The following CDK1 variants were observed in gnomAD, a reference collection of about 807,000 sequenced individuals.
The protein encoded by CDK1 is cyclin dependent kinase 1.
CDK1 carries 5 observed loss-of-function variants against 34.6 expected under a neutral mutation model. That is an observed-to-expected ratio of 0.14 (90% CI 0.08 to 0.30). The LOEUF is 0.30. CDK1 is among the 10% of genes least tolerant of loss of function. The probability of loss-of-function intolerance (pLI) is 1.00; values close to 1 mark genes in which losing one functional copy is unlikely to be tolerated. For missense variants in CDK1, 157 were observed against 345.7 expected (o/e 0.45, Z 4.33); for synonymous variants, 108 against 114.7 (o/e 0.94, Z 0.37).
In CDK1 at chr10:60,785,765, A is replaced by G; in HGVS notation, c.296A>G (p.Tyr99Cys). ...KYLDSIPPGQ[Y>C]MDSSLVKSYL... Reference sequence around the variant, plus strand: ...TTGGATTCTATCCCTCCTGGTCAGTACATGGATTCTTCACTTGTTAAGGTA... The same window carrying G: ...TTGGATTCTATCCCTCCTGGTCAGTGCATGGATTCTTCACTTGTTAAGGTA... The change falls in exon 4 of 8, where the codon TAC becomes TGC. Residue 99 changes from tyrosine (Y) to cysteine (C), a missense_variant. Physicochemically the swap from Tyr to Cys is radical, Grantham distance 194. This residue lies in a region of CDK1 where 102 missense variants were observed against 233.6 expected (regional missense o/e 0.44). Coordinates refer to ENST00000395284, the MANE Select transcript of CDK1 (RefSeq NM_001786.5). 1 of 1,596,778 alleles carries G rather than the reference A, an allele frequency of 6.3e-7. No individual in the cohort carries two copies. The highest frequency in any genetic ancestry group is 8.6e-7 in the Non-Finnish European group (1 of 1,168,958).
intron 1 of CDK1, among the ~76,000 whole-genome samples, chr10:60,779,730 AAAATT>A (rs2080255901): frequency 6.6e-6 from 1 of 152,238 alleles, no homozygotes; most frequent in South Asian, 2.1e-4. Context: ...TGTTTTGAAT[AAAATT>A]AGGAGTATCA....
At chr10:60,787,018 A>G (rs2080322403) in intron 4 of CDK1, 1 of 983,034 alleles carries the variant, frequency 1.0e-6, no homozygotes, top group South Asian at 4.7e-5. Flanking sequence ...TTCTGTATTA[A>G]GATTTATTTT....
At chr10:60,788,572 A>G (rs1381458443) in intron 5 of CDK1, among the ~76,000 whole-genome samples, 2 of 151,966 alleles carry the variant, frequency 1.3e-5, no homozygotes, top group African/African-American at 4.8e-5. Context: ...AATTCTTTAT[A>G]TTAAACTCTC....
intron 3 of CDK1, among the ~76,000 whole-genome samples, chr10:60,785,207 A>G (rs2080305437): frequency 6.6e-6 from 1 of 152,216 alleles, no homozygotes; most frequent in South Asian, 2.1e-4. Flanking sequence ...TAAGAAAAGT[A>G]GCTAGGTCAA....
rs1194795899 is a variant in CDK1 at position 60,792,262 on chromosome 10, G to A, written c.768G>A (p.Leu256=). 9 of 1,609,622 alleles carry A rather than the reference G, an allele frequency of 5.6e-6. No homozygotes were observed. The highest frequency in any genetic ancestry group is 5.4e-5 in the African/African-American group (4 of 74,470). Residue 256 remains leucine (L), a synonymous_variant, in exon 7 of 8, where the codon TTG becomes TTA. Transcript: ENST00000395284. ...GCCTAGCATCCCATGTCAAAAACTT[G>A]GATGAAAATGGCTTGGATTTGCTCT... The part of the protein sequence containing the change: ...PGSLASHVKN[L]DENGLDLLSK...
chr10:60,783,780 A>G (rs1440065509), intron 2 of CDK1, among the ~76,000 whole-genome samples: 1 of 152,136 alleles, frequency 6.6e-6, no homozygotes, highest in Non-Finnish European at 1.5e-5. Flanking sequence ...ATTGTTGCTC[A>G]TTACCTGAAG....
chr10:60,788,435 A>G (rs796901560), intron 5 of CDK1, among the ~76,000 whole-genome samples: 16 of 152,184 alleles, frequency 1.1e-4, no homozygotes, highest in African/African-American at 3.1e-4. Context: ...ACCAGCTGCT[A>G]TGTTGTTAAG....
chr10:60,780,271 A>G, intron 2 of CDK1, 69 bp downstream of exon 2: 1 of 807,020 alleles, frequency 1.2e-6, no homozygotes, highest in Non-Finnish European at 2.2e-6. Flanking sequence ...TAATATGAAC[A>G]CATTTAAATA....
rs945953893 is a variant in CDK1, at chr10:60,787,975, C to G, written c.319-85C>G. The stretch of plus-strand genomic sequence containing the variant: ...CTCTAGTAATTAAATTATTTCTCTG[C>G]GTCCTAATTTTTTGTCTTTGAAACA... On this transcript the variant is annotated intron_variant, in intron 4 of 7. Transcript: ENST00000395284. The G allele has an allele frequency of 1.0e-5, 7 of 683,308 alleles. No individual in the cohort carries two copies. The Admixed American group carries it at 2.0e-4, about 20-fold the overall frequency. 42.3% of individuals were successfully genotyped at this position (683,308 alleles called of 1,614,324 possible).
intron 5 of CDK1, among the ~76,000 whole-genome samples, chr10:60,789,047 A>C (rs3213060): frequency 4.6e-5 from 7 of 152,272 alleles, no homozygotes; most frequent in Admixed American, 1.3e-4. Flanking sequence ...ATGGTTGGTT[A>C]GTTCTAGATC....
intron 5 of CDK1, 99 bp downstream of exon 5, chr10:60,788,329 T>C (rs1589113175): frequency 3.4e-6 from 3 of 874,154 alleles, no homozygotes; most frequent in East Asian, 2.7e-5. Flanking sequence ...ATAAAAGATA[T>C]CTACTCTGTG....
chr10:60,781,202 G>A (rs1564664658), intron 2 of CDK1, among the ~76,000 whole-genome samples: 3 of 151,978 alleles, frequency 2.0e-5, no homozygotes. Context: ...TTTTAGTTTG[G>A]CATAAAAAGA....
At position 60,793,906 on chromosome 10, in the gene CDK1, A is replaced by C; in HGVS notation, c.825A>C (p.Arg275=). ...TGTTAATCTATGATCCAGCCAAACG[A>C]ATTTCTGGCAAAATGGCACTGAATC... ...SKMLIYDPAK[R]ISGKMALNHP... Residue 275 remains arginine (R), a synonymous_variant, in exon 8 of 8, where the codon CGA becomes CGC. Transcript: ENST00000395284. 6.4e-7 allele frequency: 1 copy of C among 1,556,104 alleles called. No individual in the cohort carries two copies. The highest frequency in any genetic ancestry group is 1.2e-5 in the South Asian group (1 of 83,280).
intron 7 of CDK1, among the ~76,000 whole-genome samples, chr10:60,793,162 A>G (rs576874665): frequency 6.6e-6 from 1 of 152,240 alleles, no homozygotes; most frequent in South Asian, 2.1e-4. Flanking sequence ...CTCATTTGTA[A>G]AATGACATTA....
Position 60,788,221 on chromosome 10 carries a change from T to C in CDK1, c.480T>C (p.Tyr160=), listed in dbSNP as rs2080331769. ...ARAFGIPIRV[Y]THEVVTLWYR... ...CTTTTGGAATACCTATCAGAGTATA[T>C]ACACATGAGGCAAGTGGAATAGTGG... Residue 160 remains tyrosine (Y), a synonymous_variant, in exon 5 of 8, where the codon TAT becomes TAC. Transcript: ENST00000395284. 1.3e-6 allele frequency: 2 copies of C among 1,598,320 alleles called. No homozygotes were observed. Among genetic ancestry groups the C allele is most frequent in the Non-Finnish European group, 1.7e-6 (2 of 1,171,754 alleles).
intron 7 of CDK1, among the ~76,000 whole-genome samples, chr10:60,793,056 G>A (rs773676981): frequency 3.3e-5 from 5 of 151,978 alleles, no homozygotes; most frequent in Admixed American, 6.5e-5. Flanking sequence ...TCCCAGTTGC[G>A]AACCATTATT....
chr10:60,786,406 TA>T, intron 4 of CDK1: 1 of 744,062 alleles, frequency 1.3e-6, no homozygotes, highest in South Asian at 6.1e-5. Flanking sequence ...TGTAAAACAT[TA>T]TCAAGACGTA....
At position 60,794,386 on chromosome 10, in the gene CDK1, T is replaced by A. The variant is rs2080383827; in HGVS notation, c.*411T>A. On this transcript the variant is annotated 3_prime_UTR_variant, in exon 8 of 8. Transcript: ENST00000395284. ...CTGAATGTTTAAATGTTCTCATCAG[T>A]TTCTTGCCATGTTGTTAACTATACA... 6.5e-6 allele frequency: 1 copy of A among 153,050 alleles called. No individual in the cohort carries two copies. Among genetic ancestry groups the A allele is most frequent in the South Asian group, 2.1e-4 (1 of 4,864 alleles). The allele number at this position is 153,050 out of a possible 1,614,324, so 9.5% of individuals were successfully genotyped here. A position where few individuals can be genotyped will look rare whatever the true frequency, so the allele number is the denominator to read the frequency against.
At position 60,794,019 on chromosome 10, in the gene CDK1, G is replaced by A; in HGVS notation, c.*44G>A. 1.1e-6 allele frequency: 1 copy of A among 919,294 alleles called. No individual in the cohort carries two copies. The highest frequency in any genetic ancestry group is 1.8e-5 in the African/African-American group (1 of 56,512). The allele number at this position is 919,294 out of a possible 1,614,324, so 56.9% of individuals were successfully genotyped here. On this transcript the variant is annotated 3_prime_UTR_variant, in exon 8 of 8. Coordinates refer to ENST00000395284, the MANE Select transcript of CDK1 (RefSeq NM_001786.5). The stretch of plus-strand genomic sequence containing the variant: ...CCATATGTTATATCAACAGATAGTT[G>A]TGTTTTTATTGTTAACTCTTGTCTA...
Sources: allele counts gnomAD v4.1 joint callset (sites outside exome capture counted in the v4.1 genomes callset), GRCh38; gene constraint gnomAD v4.1.1; regional missense constraint gnomAD v4.1.1; transcripts MANE v1.5; gene names NCBI Gene and HGNC (gene_info 2026-07-23, HGNC 2026-07-21).